The following LRP5 variants were observed in gnomAD, a reference collection of about 807,000 sequenced individuals.
LRP5 encodes the protein low-density lipoprotein receptor-related protein 5.
In LRP5, 62 loss-of-function variants were observed where a neutral mutation model predicts 154.1. The ratio of observed to expected loss-of-function variants is 0.40; its 90% confidence interval spans 0.33 to 0.50. The LOEUF is 0.50. LRP5 is among the 20% of genes least tolerant of loss of function. LRP5 has a pLI of 0.55. For missense variants in LRP5, 1,915 were observed against 2,336.7 expected (o/e 0.82, Z 3.72); for synonymous variants, 966 against 1,011.5 (o/e 0.96, Z 0.85).
intron 1 of LRP5, 30 bp from the exon 2 acceptor site, chr11:68,347,817 T>C (rs1174454501): frequency 6.2e-7 from 1 of 1,611,896 alleles, no homozygotes; most frequent in Admixed American, 1.7e-5. Flanking sequence ...GCTTAGCCAG[T>C]GGCCCTCACG....
In LRP5 at chr11:68,373,389, C is replaced by CGGG. The variant is rs138313299; in HGVS notation, c.1015+7693_1015+7695dup. 3.3e-4 allele frequency among the ~76,000 whole-genome samples: 50 copies of CGGG among 151,652 alleles called. No individual in the cohort carries two copies. The South Asian group carries it at 9.4e-3, about 29-fold the overall frequency. ...CCTAGAGGTAGGGATGCGTTGGTGG[C>CGGG]GGGGGGGGCCCCGCACTGCTGTGTG... On this transcript the variant is annotated intron_variant, in intron 5 of 22. Transcript: ENST00000294304.
intron 2 of LRP5, among the ~76,000 whole-genome samples, chr11:68,354,511 C>T (rs1293419944): frequency 2.0e-5 from 3 of 152,162 alleles, no homozygotes; most frequent in Admixed American, 6.5e-5. Context: ...CAGGAGGTGG[C>T]GGAGGGTCTG....
At position 68,411,686 on chromosome 11, in the gene LRP5, G is replaced by C. The variant is rs1286691491; in HGVS notation, c.2503+66G>C. On this transcript the variant is annotated intron_variant, in intron 11 of 22. Coordinates refer to ENST00000294304, the MANE Select transcript of LRP5 (RefSeq NM_002335.4). ...GCAGCCGGGCGTTGGCCACCTCCCA[G>C]CCTCGCCGCACATACCCTGTGGCCT... 3 of 1,516,812 alleles carry C rather than the reference G, an allele frequency of 2.0e-6. No individual in the cohort carries two copies. The African/African-American group carries it at 4.1e-5, about 21-fold the overall frequency. 94.0% of individuals were successfully genotyped at this position (1,516,812 alleles called of 1,614,324 possible).
chr11:68,398,167 C>G (rs1360909702), intron 7 of LRP5, among the ~76,000 whole-genome samples: 1 of 152,150 alleles, frequency 6.6e-6, no homozygotes, highest in Non-Finnish European at 1.5e-5. Flanking sequence ...GAGGGTGGGT[C>G]TTGGGCTCAT....
chr11:68,380,782 G>C (rs1482428667), intron 5 of LRP5, among the ~76,000 whole-genome samples: 1 of 152,226 alleles, frequency 6.6e-6, no homozygotes, highest in Non-Finnish European at 1.5e-5. Flanking sequence ...CGACAGGTTT[G>C]GGCCACCCTC....
intron 21 of LRP5, among the ~76,000 whole-genome samples, chr11:68,443,912 G>C (rs2098680023): frequency 6.6e-6 from 1 of 151,574 alleles, no homozygotes; most frequent in African/African-American, 2.4e-5. Flanking sequence ...ACCCACCTCG[G>C]CCTCCCAAAG....
chr11:68,384,943 T>G (rs2098642197), intron 5 of LRP5, among the ~76,000 whole-genome samples: 1 of 152,202 alleles, frequency 6.6e-6, no homozygotes, highest in Admixed American at 6.5e-5. Context: ...GTTGCTCAGA[T>G]GCTCTCAGAG....
intron 7 of LRP5, among the ~76,000 whole-genome samples, chr11:68,393,236 G>C (rs935287631): frequency 6.6e-6 from 1 of 152,186 alleles, no homozygotes; most frequent in Admixed American, 6.5e-5. Flanking sequence ...GTGGGCAGTG[G>C]TTTCCACCTT....
At chr11:68,350,985 T>C (rs2098617982) in intron 2 of LRP5, among the ~76,000 whole-genome samples, 1 of 152,086 alleles carries the variant, frequency 6.6e-6, no homozygotes, top group Non-Finnish European at 1.5e-5. Flanking sequence ...TGAGTGGATA[T>C]TTGTGTGTGT....
chr11:68,410,432 C>A (rs2098658826), intron 10 of LRP5, among the ~76,000 whole-genome samples: 1 of 152,164 alleles, frequency 6.6e-6, no homozygotes, highest in African/African-American at 2.4e-5. Flanking sequence ...GTCGATTTTA[C>A]AGATGCAGAA....
rs11574424 is a variant in LRP5, at chr11:68,357,908, C to T, written c.686+61C>T. The T allele has an allele frequency of 0.035, 51,532 of 1,484,374 alleles. 1,761 individuals are homozygous for T. The highest frequency in any genetic ancestry group is 0.17 in the African/African-American group (12,448 of 71,912). The allele number at this position is 1,484,374 out of a possible 1,614,324, so 92.0% of individuals were successfully genotyped here. A position where few individuals can be genotyped will look rare whatever the true frequency, so the allele number is the denominator to read the frequency against. ...CCTTTGTCCCCAGGGCTTTTGAAGG[C>T]GTTCCTTCTTAACTCAGGCCTACAG... On this transcript the variant is annotated intron_variant, in intron 3 of 22. Coordinates refer to ENST00000294304, the MANE Select transcript of LRP5 (RefSeq NM_002335.4).
chr11:68,404,822 T>C (rs1414858505), intron 8 of LRP5, among the ~76,000 whole-genome samples: 1 of 151,504 alleles, frequency 6.6e-6, no homozygotes, highest in Non-Finnish European at 1.5e-5. Context: ...TACAAAAAAT[T>C]AGCCGGGTGC....
chr11:68,327,601 G>A (rs898728947), intron 1 of LRP5, among the ~76,000 whole-genome samples: 1 of 152,144 alleles, frequency 6.6e-6, no homozygotes, highest in Admixed American at 6.5e-5. Flanking sequence ...TGGTCCCCTT[G>A]TGCCCAGTCT....
At chr11:68,316,420 C>T (rs778541835) in intron 1 of LRP5, among the ~76,000 whole-genome samples, 7 of 152,094 alleles carry the variant, frequency 4.6e-5, no homozygotes, top group East Asian at 1.9e-4. Flanking sequence ...TACAGGTGCC[C>T]GCCACCACGC....
rs1342674920 is a variant in LRP5 at position 68,353,606 on chromosome 11, C to T, written c.489-4044C>T. Among the ~76,000 whole-genome samples the T allele has an allele frequency of 6.6e-6, 1 of 152,188 alleles. No homozygotes were observed. The highest frequency in any genetic ancestry group is 1.9e-4 in the East Asian group (1 of 5,190). On this transcript the variant is annotated intron_variant, in intron 2 of 22. Transcript: ENST00000294304. This position sits in a 1 kb window ranked among gnomAD's most constrained non-coding sequence, Gnocchi z 4.5. ...GGGGACAGTGGAGGGTGGGTTTGTCCTCTGTCCTGGCCACAGGCACACGGT... is the reference window on the plus strand; with the variant it reads ...GGGGACAGTGGAGGGTGGGTTTGTCTTCTGTCCTGGCCACAGGCACACGGT...
intron 2 of LRP5, among the ~76,000 whole-genome samples, chr11:68,351,374 T>G (rs1045517499): frequency 6.6e-6 from 1 of 152,126 alleles, no homozygotes; most frequent in Non-Finnish European, 1.5e-5. Context: ...CCTCTCCCCC[T>G]GCACTGTGGC....
At chr11:68,377,487 G>T (rs1435650800) in intron 5 of LRP5, among the ~76,000 whole-genome samples, 2 of 152,230 alleles carry the variant, frequency 1.3e-5, no homozygotes, top group Non-Finnish European at 2.9e-5. Context: ...CACTTCCCTT[G>T]TGCTTTGTGA....
At chr11:68,404,685 G>A (rs2098654509) in intron 8 of LRP5, among the ~76,000 whole-genome samples, 1 of 152,128 alleles carries the variant, frequency 6.6e-6, no homozygotes, top group Non-Finnish European at 1.5e-5. Flanking sequence ...TTCATGCTGG[G>A]GCCGGGGCAG....
intron 1 of LRP5, among the ~76,000 whole-genome samples, chr11:68,336,198 C>A (rs529026273): frequency 6.6e-6 from 1 of 152,274 alleles, no homozygotes; most frequent in Non-Finnish European, 1.5e-5. Context: ...ACAAGCCGAG[C>A]ATGGGGCATC....
Sources: allele counts gnomAD v4.1 joint callset (sites outside exome capture counted in the v4.1 genomes callset), GRCh38; gene constraint gnomAD v4.1.1; non-coding constraint Gnocchi (gnomAD v3.1); transcripts MANE v1.5; gene names NCBI Gene and HGNC (gene_info 2026-07-23, HGNC 2026-07-21).